The following NAV2 variants were observed in gnomAD, a reference collection of about 807,000 sequenced individuals.
NAV2 encodes the protein helicase, APC down-regulated 1.
In NAV2, 54 loss-of-function variants were observed where a neutral mutation model predicts 223.2. The ratio of observed to expected loss-of-function variants is 0.24; its 90% confidence interval spans 0.19 to 0.30. The LOEUF is 0.30. Among genes scored for constraint, NAV2 ranks in the 10% least tolerant of loss-of-function variants. NAV2 has a pLI of 1.00. For missense variants in NAV2, 2,806 were observed against 3,147.5 expected, an observed-to-expected ratio of 0.89 and a Z score of 2.60; for synonymous variants, 1,279 against 1,239.3, an observed-to-expected ratio of 1.03 and a Z score of -0.67.
chr11:19,357,856 G>A (rs559697737), intron 1 of NAV2, among the ~76,000 whole-genome samples: 14 of 152,290 alleles, frequency 9.2e-5, no homozygotes, highest in African/African-American at 2.4e-5. Flanking sequence ...GTAGGGATTA[G>A]GTTAAACCTT....
At chr11:19,895,008 G>A (rs899205277) in intron 6 of NAV2, among the ~76,000 whole-genome samples, 19 of 152,098 alleles carry the variant, frequency 1.2e-4, no homozygotes, top group Non-Finnish European at 2.1e-4. Flanking sequence ...GGGATTACAG[G>A]CGTGAGCCAC....
intron 1 of NAV2, among the ~76,000 whole-genome samples, chr11:19,382,740 C>T (rs2702699): frequency 0.071 from 10,759 of 152,256 alleles, 724 homozygotes; most frequent in African/African-American, 0.17. Context: ...CATATAACCA[C>T]CTCATATAGC....
intron 1 of NAV2, among the ~76,000 whole-genome samples, chr11:19,587,717 C>T (rs2045945628): frequency 2.0e-5 from 3 of 152,160 alleles, no homozygotes; most frequent in African/African-American, 7.2e-5. Context: ...CATTTCCAGA[C>T]CAAAGTCACA....
At chr11:20,103,442 G>T (rs200237696) in intron 33 of NAV2, 33 bp downstream of exon 33, 3 of 1,601,736 alleles carry the variant, frequency 1.9e-6, no homozygotes, top group African/African-American at 2.7e-5. Context: ...ATAGCCCCCC[G>T]GGAGAGAGTG....
intron 11 of NAV2, among the ~76,000 whole-genome samples, chr11:20,020,575 C>T (rs1274857442): frequency 6.6e-6 from 1 of 152,170 alleles, no homozygotes; most frequent in Non-Finnish European, 1.5e-5. Flanking sequence ...AATTCAGAGC[C>T]TCTAACATGA....
At chr11:19,508,392 G>A (rs1467724969) in intron 1 of NAV2, among the ~76,000 whole-genome samples, 1 of 152,198 alleles carries the variant, frequency 6.6e-6, no homozygotes. Context: ...AAGCATACAA[G>A]CACAAAACCA....
chr11:19,798,173 G>C (rs902785244), intron 1 of NAV2, among the ~76,000 whole-genome samples: 5 of 152,168 alleles, frequency 3.3e-5, no homozygotes, highest in Non-Finnish European at 2.9e-5. Context: ...AACACCAGTT[G>C]ATGGTTCATC....
At chr11:20,062,644 A>C (rs893655013) in intron 20 of NAV2, among the ~76,000 whole-genome samples, 2 of 152,224 alleles carry the variant, frequency 1.3e-5, no homozygotes, top group African/African-American at 4.8e-5. Flanking sequence ...GACTTGGAAA[A>C]TAAAGGCCTT....
chr11:19,476,284 T>C (rs1446277023), intron 1 of NAV2, among the ~76,000 whole-genome samples: 1 of 152,158 alleles, frequency 6.6e-6, no homozygotes, highest in Non-Finnish European at 1.5e-5. Context: ...ATTCTTACAC[T>C]ATTGTTTCTC....
At chr11:20,019,805 T>C (rs1026490767) in intron 11 of NAV2, among the ~76,000 whole-genome samples, 2 of 151,668 alleles carry the variant, frequency 1.3e-5, no homozygotes, top group Non-Finnish European at 2.9e-5. Context: ...AAAACTCAAG[T>C]AGGGTAAGGA....
At chr11:20,114,419 A>G in intron 36 of NAV2, 173 bp from the exon 37 acceptor site, 2 of 635,258 alleles carry the variant, frequency 3.1e-6, no homozygotes, top group Non-Finnish European at 5.5e-6. Context: ...CAGCCTTAGC[A>G]CCTCGAACTG....
intron 1 of NAV2, among the ~76,000 whole-genome samples, chr11:19,543,664 A>AG (rs1223580734): frequency 1.2e-4 from 19 of 152,358 alleles, no homozygotes; most frequent in Admixed American, 9.8e-4. Flanking sequence ...TCTATAAAAA[A>AG]GGAGTGAAAA....
Position 19,480,513 on chromosome 11 carries a change from G to A in NAV2, c.75+129486G>A, listed in dbSNP as rs116061111. Among the ~76,000 whole-genome samples, 785 of 152,198 alleles carry A rather than the reference G, an allele frequency of 5.2e-3. 3 individuals carry two copies. The highest frequency in any genetic ancestry group is 0.018 in the African/African-American group (757 of 41,508). ...CTGAGCGGTGGCGGTGGTGGGAGCC[G>A]GTGCAGCCTTTTCTTTATTCAGTTG... is the stretch of plus-strand genomic sequence containing the variant. On this transcript the variant is annotated intron_variant, in intron 1 of 37. Transcript: ENST00000360655.
At chr11:19,417,350 A>C (rs1204671222) in intron 1 of NAV2, among the ~76,000 whole-genome samples, 1 of 152,244 alleles carries the variant, frequency 6.6e-6, no homozygotes, top group Non-Finnish European at 1.5e-5. Flanking sequence ...AAAAAAGCTC[A>C]TCATCACTGA....
intron 26 of NAV2, 58 bp downstream of exon 26, chr11:20,083,237 G>A (rs2060202708): frequency 2.1e-6 from 3 of 1,424,094 alleles, no homozygotes; most frequent in Non-Finnish European, 2.9e-6. Flanking sequence ...TTCTCCAGTA[G>A]GAATGGCTAG....
At chr11:19,767,626 C>G (rs1425236) in intron 1 of NAV2, among the ~76,000 whole-genome samples, 4,230 of 152,336 alleles carry the variant, frequency 0.028, 106 homozygotes, top group African/African-American at 0.066. Context: ...GTGACAGGCA[C>G]TGTGCCCAGT....
chr11:19,820,081 C>A (rs1392659949), intron 1 of NAV2, among the ~76,000 whole-genome samples: 1 of 152,222 alleles, frequency 6.6e-6, no homozygotes, highest in Non-Finnish European at 1.5e-5. Flanking sequence ...GTGAGGGGAG[C>A]TATGGAAGTT....
chr11:19,375,880 G>GT (rs1564887553), intron 1 of NAV2, among the ~76,000 whole-genome samples: 1 of 152,008 alleles, frequency 6.6e-6, no homozygotes, highest in Non-Finnish European at 1.5e-5. Context: ...CACAAGATTC[G>GT]TTTTTTATTA....
intron 20 of NAV2, among the ~76,000 whole-genome samples, chr11:20,067,368 G>A (rs2059113974): frequency 6.6e-6 from 1 of 152,178 alleles, no homozygotes; most frequent in Non-Finnish European, 1.5e-5. Context: ...TTGCTCCCTA[G>A]ACAGGGTTGC....
Sources: allele counts gnomAD v4.1 joint callset (sites outside exome capture counted in the v4.1 genomes callset), GRCh38; gene constraint gnomAD v4.1.1; transcripts MANE v1.5; gene names NCBI Gene and HGNC (gene_info 2026-07-23, HGNC 2026-07-21).